The following SNAP91 variants were observed in gnomAD, a reference collection of about 807,000 sequenced individuals.
SNAP91 encodes synaptosome associated protein 91.
Under a neutral mutation model 100.3 loss-of-function variants are expected in SNAP91, and 27 were observed. That is an observed-to-expected ratio of 0.27 (90% CI 0.20 to 0.37). The LOEUF is 0.37. SNAP91 is among the 10% of genes least tolerant of loss of function. The pLI is 1.00. For missense variants in SNAP91, 986 were observed against 1,123.7 expected (o/e 0.88, Z 1.75); for synonymous variants, 404 against 398.6 (o/e 1.01, Z -0.16).
intron 8 of SNAP91, among the ~76,000 whole-genome samples, chr6:83,634,311 G>C (rs2097340871): frequency 6.6e-6 from 1 of 152,044 alleles, no homozygotes. Flanking sequence ...AATTGACTCA[G>C]TTCCAGGTAA....
At chr6:83,579,015 T>C (rs1192590490) in intron 24 of SNAP91, among the ~76,000 whole-genome samples, 1 of 152,228 alleles carries the variant, frequency 6.6e-6, no homozygotes, top group African/African-American at 2.4e-5. Context: ...CTGAATGGTC[T>C]TGGTATCCTT....
chr6:83,633,766 G>C (rs2097306847), intron 8 of SNAP91, among the ~76,000 whole-genome samples: 1 of 152,082 alleles, frequency 6.6e-6, no homozygotes, highest in South Asian at 2.1e-4. Flanking sequence ...CCAGGCAGTG[G>C]GCAAGCACAT....
At chr6:83,560,057 C>T (rs964999632) in intron 28 of SNAP91, 47 bp downstream of exon 28, 5 of 1,463,802 alleles carry the variant, frequency 3.4e-6, no homozygotes, top group South Asian at 1.1e-5. Flanking sequence ...CAATGTTTTA[C>T]ACTTATTAGT....
Position 83,601,407 on chromosome 6 carries a change from A to G in SNAP91, c.1188T>C (p.Ser396=). ...CAAATGGATCTGAAATCTGTGCTTCAGAGGGAACAGAGGAAAGTGCAGCCA... is the reference window on the plus strand; with the variant it reads ...CAAATGGATCTGAAATCTGTGCTTCGGAGGGAACAGAGGAAAGTGCAGCCA... ...DSLAALSSVP[S]EAQISDPFAP... Residue 396 remains serine (S), a synonymous_variant, in exon 16 of 30, where the codon TCT becomes TCC. Coordinates refer to ENST00000369694, the MANE Select transcript of SNAP91 (RefSeq NM_001242792.2). 4 of 1,613,624 alleles carry G rather than the reference A, an allele frequency of 2.5e-6. No individual in the cohort carries two copies. The highest frequency in any genetic ancestry group is 3.4e-6 in the Non-Finnish European group (4 of 1,179,760).
At chr6:83,651,357 T>C (rs1009362100) in intron 7 of SNAP91, among the ~76,000 whole-genome samples, 3 of 152,208 alleles carry the variant, frequency 2.0e-5, no homozygotes, top group African/African-American at 7.2e-5. Context: ...TAGATCTTTC[T>C]TCTTTTCTAG....
At chr6:83,619,042 G>A (rs145282371) in intron 9 of SNAP91, among the ~76,000 whole-genome samples, 1 of 151,920 alleles carries the variant, frequency 6.6e-6, no homozygotes, top group Non-Finnish European at 1.5e-5. Context: ...CCCAGGAAGA[G>A]AGGTCCCCAT....
chr6:83,558,246 TC>T (rs1390483636), intron 28 of SNAP91, among the ~76,000 whole-genome samples: 1 of 152,158 alleles, frequency 6.6e-6, no homozygotes, highest in Non-Finnish European at 1.5e-5. Flanking sequence ...CAGAAATATT[TC>T]TTTTTTTTCA....
intron 11 of SNAP91, among the ~76,000 whole-genome samples, chr6:83,612,854 G>A (rs1350620818): frequency 2.2e-5 from 3 of 135,570 alleles, no homozygotes; most frequent in African/African-American, 5.6e-5. Flanking sequence ...TCGCACCACC[G>A]CACTCCCTCC....
intron 2 of SNAP91, among the ~76,000 whole-genome samples, chr6:83,666,691 G>A (rs944378097): frequency 2.0e-5 from 3 of 151,924 alleles, no homozygotes; most frequent in Admixed American, 6.6e-5. Flanking sequence ...ATAACTGTTC[G>A]GAATTATAAG....
At chr6:83,653,545 C>CCAATGGATAAAAT (rs1477496613) in intron 7 of SNAP91, among the ~76,000 whole-genome samples, 85 of 152,240 alleles carry the variant, frequency 5.6e-4, no homozygotes, top group African/African-American at 2.0e-3. Flanking sequence ...CATTGGAGCC[C>CCAATGGATAAAAT]TTAGCCTATT....
chr6:83,658,951 A>G (rs1481120360), intron 6 of SNAP91, 48 bp downstream of exon 6: 1 of 1,401,506 alleles, frequency 7.1e-7, no homozygotes, highest in African/African-American at 1.4e-5. Flanking sequence ...TCTTCAAATG[A>G]AAGACAACAT....
chr6:83,693,147 C>G (rs897819475), intron 2 of SNAP91, among the ~76,000 whole-genome samples: 3 of 152,154 alleles, frequency 2.0e-5, no homozygotes, highest in Non-Finnish European at 4.4e-5. Context: ...AAGAAAAAAG[C>G]ATAAGTCTTG....
intron 2 of SNAP91, among the ~76,000 whole-genome samples, chr6:83,692,690 T>C (rs977397317): frequency 3.3e-5 from 5 of 152,160 alleles, no homozygotes; most frequent in Admixed American, 2.6e-4. Flanking sequence ...CTGCTGTACC[T>C]TCCACCACCC....
rs923988840 is a variant in SNAP91, at chr6:83,697,490, T to C, written c.130+10308A>G. The stretch of plus-strand genomic sequence containing the variant: ...ACAACCCAAAAATTATGGATATAAT[T>C]GTTAAAATCTAACATTTTTTTCAAA... On this transcript the variant is annotated intron_variant, in intron 2 of 29. Coordinates refer to ENST00000369694, the MANE Select transcript of SNAP91 (RefSeq NM_001242792.2). 4.6e-5 allele frequency among the ~76,000 whole-genome samples: 7 copies of C among 152,274 alleles called. No individual in the cohort carries two copies. The East Asian group carries it at 1.3e-3, about 29-fold the overall frequency.
chr6:83,572,121 C>T lies in SNAP91; in HGVS notation c.2442+2889G>A, dbSNP rs140637972. On this transcript the variant is annotated intron_variant, in intron 26 of 29. Coordinates refer to ENST00000369694, the MANE Select transcript of SNAP91 (RefSeq NM_001242792.2). ...TATGTCTTTATCAGCAGTGTGAAAA[C>T]GGAATAATACACTGGGCAACCACTG... Among the ~76,000 whole-genome samples, 311 of 152,272 alleles carry T rather than the reference C, an allele frequency of 2.0e-3. 2 individuals are homozygous for T. The highest frequency in any genetic ancestry group is 7.1e-3 in the African/African-American group (294 of 41,548).
In SNAP91 at chr6:83,575,098, C is replaced by T. The variant is rs1181054159; in HGVS notation, c.2354G>A (p.Gly785Glu). ...TKKGDLQWNA[G>E]EKKLTGGANW... ...GGCTCCACCAGTCAACTTTTTCTCTCCAGCATTCCACTGAAGATCTCCCCT... is the reference window on the plus strand; with the variant it reads ...GGCTCCACCAGTCAACTTTTTCTCTTCAGCATTCCACTGAAGATCTCCCCT... Residue 785 changes from glycine (G) to glutamate (E), a missense_variant, in exon 26 of 30, where the codon GGA becomes GAA. This residue lies in a region of SNAP91 where 575 missense variants were observed against 579.9 expected (regional missense o/e 0.99). Transcript: ENST00000369694. 1 of 1,607,010 alleles carries T rather than the reference C, an allele frequency of 6.2e-7. No homozygotes were observed.
chr6:83,558,844 A>G (rs1459490974), intron 28 of SNAP91, among the ~76,000 whole-genome samples: 1 of 152,168 alleles, frequency 6.6e-6, no homozygotes, highest in African/African-American at 2.4e-5. Context: ...TCATGATGAA[A>G]ACTTCTTTGG....
intron 2 of SNAP91, among the ~76,000 whole-genome samples, chr6:83,700,448 T>C (rs184995377): frequency 6.6e-6 from 1 of 152,124 alleles, no homozygotes; most frequent in East Asian, 1.9e-4. Context: ...TGATTGTTAT[T>C]GCATATTTGT....
intron 9 of SNAP91, among the ~76,000 whole-genome samples, chr6:83,619,084 G>A (rs1275954581): frequency 6.7e-6 from 1 of 149,440 alleles, no homozygotes; most frequent in Non-Finnish European, 1.5e-5. Flanking sequence ...CTTTCTAAGT[G>A]AGAAAATTGA....
Sources: allele counts gnomAD v4.1 joint callset (sites outside exome capture counted in the v4.1 genomes callset), GRCh38; gene constraint gnomAD v4.1.1; regional missense constraint gnomAD v4.1.1; transcripts MANE v1.5; gene names NCBI Gene and HGNC (gene_info 2026-07-23, HGNC 2026-07-21).